Variants in CACNB2 observed in about 807,000 individuals in gnomAD.
CACNB2 encodes calcium voltage-gated channel auxiliary subunit beta 2.
In CACNB2, 42 loss-of-function variants were observed where a neutral mutation model predicts 73.3. The observed-to-expected ratio is 0.57, with a 90% CI of 0.45 to 0.74. The LOEUF (loss-of-function observed/expected upper bound fraction) is 0.74, where lower values mean the gene tolerates loss of function less well. Ranked by LOEUF, CACNB2 falls within the 30% of genes least tolerant of loss-of-function variation. The pLI is 0.00. For synonymous variants in CACNB2, 348 were observed against 310.3 expected (o/e 1.12, Z -1.28); for missense variants, 940 against 853.0 (o/e 1.10, Z -1.27).
intron 2 of CACNB2, among the ~76,000 whole-genome samples, chr10:18,346,322 T>C (rs2041453247): frequency 6.6e-6 from 1 of 151,974 alleles, no homozygotes; most frequent in Non-Finnish European, 1.5e-5. Context: ...GTATGTTTAG[T>C]AGAGACGGGC....
At chr10:18,255,943 G>A (rs2037268859) in intron 2 of CACNB2, among the ~76,000 whole-genome samples, 1 of 152,156 alleles carries the variant, frequency 6.6e-6, no homozygotes, top group African/African-American at 2.4e-5. Flanking sequence ...TTCATCTGAT[G>A]TTTAACTCTG....
rs1387789597 is a variant in CACNB2 at position 18,541,382 on chromosome 10, A to ACTTCTTACTT, written c.*1658_*1659insCTTCTTACTT. 6.6e-6 allele frequency: 1 copy of ACTTCTTACTT among 152,572 alleles called. No homozygotes were observed. The highest frequency in any genetic ancestry group is 1.5e-5 in the Non-Finnish European group (1 of 68,046). The allele number at this position is 152,572 out of a possible 1,614,324, so 9.5% of individuals were successfully genotyped here. ...TCCATGCCTCAATTACACTGCTGTA[A>ACTTCTTACTT]GAAGCTTACAATGTCATCATGTTTA... is the stretch of plus-strand genomic sequence containing the variant. On this transcript the variant is annotated 3_prime_UTR_variant, in exon 14 of 14. Transcript: ENST00000324631.
At chr10:18,146,190 C>T (rs1037195571) in intron 1 of CACNB2, among the ~76,000 whole-genome samples, 2 of 152,038 alleles carry the variant, frequency 1.3e-5, no homozygotes, top group African/African-American at 4.8e-5. Flanking sequence ...AGATTTGATA[C>T]ATGATTTCTC....
chr10:18,200,749 A>G (rs1453059260), intron 2 of CACNB2, among the ~76,000 whole-genome samples: 1 of 152,160 alleles, frequency 6.6e-6, no homozygotes, highest in Non-Finnish European at 1.5e-5. Context: ...CACTTTTACA[A>G]TAATTTTATA....
At position 18,542,834 on chromosome 10, in the gene CACNB2, G is replaced by A. The variant is rs1305707816; in HGVS notation, c.*3110G>A. 1 of 151,192 alleles carries A rather than the reference G, an allele frequency of 6.6e-6. No homozygotes were observed. 9.4% of individuals were successfully genotyped at this position (151,192 alleles called of 1,614,324 possible). A position where few individuals can be genotyped will look rare whatever the true frequency, so the allele number is the denominator to read the frequency against. On this transcript the variant is annotated 3_prime_UTR_variant, in exon 14 of 14. Coordinates refer to ENST00000324631, the MANE Select transcript of CACNB2 (RefSeq NM_201596.3). ...TAACCTTAACCTACTCAGTTGTAGA[G>A]CCATTTTTGTAGTCAACCTAGAAAA...
chr10:18,367,252 C>T (rs1249022799), intron 2 of CACNB2, among the ~76,000 whole-genome samples: 1 of 151,034 alleles, frequency 6.6e-6, no homozygotes, highest in Non-Finnish European at 1.5e-5. Context: ...TGTTGAAATA[C>T]TTTGGGACAA....
chr10:18,252,562 G>A (rs1447512222), intron 2 of CACNB2, among the ~76,000 whole-genome samples: 1 of 151,894 alleles, frequency 6.6e-6, no homozygotes, highest in Non-Finnish European at 1.5e-5. Context: ...CCTCTTTTAT[G>A]TTATTTAAGT....
At chr10:18,407,556 C>G (rs1471531164) in intron 3 of CACNB2, among the ~76,000 whole-genome samples, 6 of 152,090 alleles carry the variant, frequency 3.9e-5, no homozygotes, top group African/African-American at 7.2e-5. Flanking sequence ...TACTTGGCTT[C>G]TCATGCATTC....
Position 18,150,985 on chromosome 10 carries a change from T to A in CACNB2, c.213+10T>A. 6.5e-7 allele frequency: 1 copy of A among 1,548,320 alleles called. No individual in the cohort carries two copies. Among genetic ancestry groups the A allele is most frequent in the Non-Finnish European group, 8.9e-7 (1 of 1,121,572 alleles). On this transcript the variant is annotated intron_variant, in intron 2 of 13. Coordinates refer to ENST00000324631, the MANE Select transcript of CACNB2 (RefSeq NM_201596.3). ...TAGTTTTGTTCGCCAGGTAAGAGTT[T>A]TAAGTTCATGGTTTTGATAAGTACC...
intron 3 of CACNB2, among the ~76,000 whole-genome samples, chr10:18,461,764 CTTTTTTTTTTT>C (rs35385599): frequency 4.4e-5 from 3 of 68,020 alleles, no homozygotes; most frequent in Non-Finnish European, 7.7e-5. Flanking sequence ...TTCGATAAAG[CTTTTTTTTTTT>C]TTTTTTTTTT....
At chr10:18,343,084 G>A (rs1380726342) in intron 2 of CACNB2, among the ~76,000 whole-genome samples, 2 of 152,144 alleles carry the variant, frequency 1.3e-5, no homozygotes, top group Non-Finnish European at 2.9e-5. Context: ...GCAATTTGGT[G>A]TAATTACTTT....
At chr10:18,235,067 C>T (rs368781546) in intron 2 of CACNB2, among the ~76,000 whole-genome samples, 4 of 149,804 alleles carry the variant, frequency 2.7e-5, no homozygotes, top group African/African-American at 4.9e-5. Flanking sequence ...GGCATGAACC[C>T]GGGAGGCGGA....
chr10:18,292,030 CT>C (rs1456450539), intron 2 of CACNB2, among the ~76,000 whole-genome samples: 3 of 152,232 alleles, frequency 2.0e-5, no homozygotes, highest in Admixed American at 2.0e-4. Flanking sequence ...TTTGCTTCAC[CT>C]TTGCATACAC....
At chr10:18,235,416 C>G (rs573777919) in intron 2 of CACNB2, among the ~76,000 whole-genome samples, 1 of 152,244 alleles carries the variant, frequency 6.6e-6, no homozygotes, top group East Asian at 1.9e-4. Flanking sequence ...TATGATCACA[C>G]CACTGCACTC....
chr10:18,344,679 A>G (rs1011761035), intron 2 of CACNB2, among the ~76,000 whole-genome samples: 12 of 152,138 alleles, frequency 7.9e-5, no homozygotes, highest in Admixed American at 5.9e-4. Flanking sequence ...CTTCAAAGTA[A>G]TTAAAGTTTT....
intron 3 of CACNB2, among the ~76,000 whole-genome samples, chr10:18,407,236 C>G (rs1349348112): frequency 1.3e-5 from 2 of 148,558 alleles, no homozygotes; most frequent in African/African-American, 2.5e-5. Context: ...ATTCTCACAC[C>G]TCAGCCTTCT....
chr10:18,261,964 T>C (rs755486518), intron 2 of CACNB2: 3 of 518,994 alleles, frequency 5.8e-6, no homozygotes, highest in South Asian at 4.2e-5. Flanking sequence ...CTAATTGCAA[T>C]ATGCTGTGCC....
intron 2 of CACNB2, among the ~76,000 whole-genome samples, chr10:18,182,829 A>AC (rs1365662719): frequency 6.6e-6 from 1 of 151,980 alleles, no homozygotes. Flanking sequence ...CTCAAAAAAA[A>AC]AAAAAACAAA....
intron 2 of CACNB2, among the ~76,000 whole-genome samples, chr10:18,312,527 A>G (rs916199700): frequency 1.3e-5 from 2 of 152,174 alleles, no homozygotes; most frequent in East Asian, 1.9e-4. Context: ...GTCGATGACT[A>G]TAAGGAGATA....
Sources: gnomAD v4.1 joint callset for allele counts (sites outside exome capture counted in the v4.1 genomes callset) on GRCh38, gnomAD v4.1.1 for gene constraint, MANE v1.5 for transcripts, NCBI Gene and HGNC (gene_info 2026-07-23, HGNC 2026-07-21) for gene names.